The following ITIH5 variants were observed in gnomAD, a reference collection of about 807,000 sequenced individuals.
The protein encoded by ITIH5 is inter-alpha-trypsin inhibitor heavy chain H5.
ITIH5 carries 65 observed loss-of-function variants against 77.5 expected under a neutral mutation model. The observed-to-expected ratio is 0.84, with a 90% confidence interval of 0.69 to 1.03. The LOEUF (loss-of-function observed/expected upper bound fraction) is 1.03, where lower values mean the gene tolerates loss of function less well. Ranked by LOEUF, ITIH5 falls within the 50% of genes least tolerant of loss-of-function variation. The pLI is 0.00. For missense variants in ITIH5, 1,208 were observed against 1,213.1 expected (o/e 1.00, Z 0.06); for synonymous variants, 525 against 494.3 (o/e 1.06, Z -0.82).
chr10:7,588,935 T>C (rs2130983191), intron 7 of ITIH5, among the ~76,000 whole-genome samples: 1 of 152,332 alleles, frequency 6.6e-6, no homozygotes, highest in African/African-American at 2.4e-5. Flanking sequence ...TGGATTAAAA[T>C]GCAGGGAGTC....
At chr10:7,593,433 C>T (rs1402805389) in intron 7 of ITIH5, among the ~76,000 whole-genome samples, 4 of 55,538 alleles carry the variant, frequency 7.2e-5, no homozygotes, top group African/African-American at 1.8e-4. Context: ...GCCCCACTCA[C>T]CCCTGCAGAC....
intron 1 of ITIH5, among the ~76,000 whole-genome samples, chr10:7,657,147 C>T (rs779908478): frequency 6.7e-6 from 1 of 149,640 alleles, no homozygotes; most frequent in South Asian, 2.1e-4. Flanking sequence ...CGGGTTCAAG[C>T]GATTCCCCTG....
chr10:7,568,838 A>T lies in ITIH5; in HGVS notation c.2149+830T>A, dbSNP rs567826197. On this transcript the variant is annotated intron_variant, in intron 12 of 13. Coordinates refer to ENST00000397146, the MANE Select transcript of ITIH5 (RefSeq NM_030569.7). The stretch of plus-strand genomic sequence containing the variant: ...AGAGCCCCTTTGTCCATACATGTTC[A>T]CGGCACACAGACAGAACTGTGGATT... Among the ~76,000 whole-genome samples the T allele has an allele frequency of 3.3e-5, 5 of 152,214 alleles. No individual in the cohort carries two copies. In the South Asian group the frequency reaches 1.0e-3, roughly 32 times the overall value.
intron 7 of ITIH5, among the ~76,000 whole-genome samples, chr10:7,597,536 ATGGT>A: frequency 7.0e-6 from 1 of 142,124 alleles, no homozygotes; most frequent in African/African-American, 2.5e-5. Flanking sequence ...CATACACAGC[ATGGT>A]CCCAAGTCAC....
In ITIH5 at chr10:7,655,527, A is replaced by C. The variant is rs72779186; in HGVS notation, c.135+104T>G. On this transcript the variant is annotated intron_variant, in intron 2 of 13. Coordinates refer to ENST00000397146, the MANE Select transcript of ITIH5 (RefSeq NM_030569.7). The stretch of plus-strand genomic sequence containing the variant: ...TCATCTCAGAATTTTTCTACAAGCA[A>C]CTTTATATGTTTTGGAGGATCTGCA... 30,431 of 899,236 alleles carry C rather than the reference A, an allele frequency of 0.034. 702 individuals are homozygous for C. The highest frequency in any genetic ancestry group is 0.038 in the Non-Finnish European group (21,414 of 557,666). 55.7% of individuals were successfully genotyped at this position (899,236 alleles called of 1,614,324 possible).
chr10:7,634,485 G>A (rs148934773), intron 5 of ITIH5, among the ~76,000 whole-genome samples: 1 of 152,196 alleles, frequency 6.6e-6, no homozygotes, highest in East Asian at 1.9e-4. Flanking sequence ...CAAAGTATCT[G>A]CTTTGGTACA....
At chr10:7,579,680 C>T in intron 9 of ITIH5, 75 bp downstream of exon 9, 1 of 1,444,858 alleles carries the variant, frequency 6.9e-7, no homozygotes, top group Middle Eastern at 1.8e-4. Flanking sequence ...CAACACACTC[C>T]TCTCTGAATT....
At chr10:7,604,600 CA>C (rs1273121903) in intron 7 of ITIH5, among the ~76,000 whole-genome samples, 4 of 152,226 alleles carry the variant, frequency 2.6e-5, no homozygotes, top group Non-Finnish European at 5.9e-5. Context: ...TGGTCCAAAA[CA>C]TGACCCAAAC....
At chr10:7,599,155 G>A (rs1193069711) in intron 7 of ITIH5, among the ~76,000 whole-genome samples, 3 of 152,182 alleles carry the variant, frequency 2.0e-5, no homozygotes, top group African/African-American at 7.2e-5. Context: ...CTCAGGGCTA[G>A]AAATAGATTT....
chr10:7,592,361 C>T (rs1042337606), intron 7 of ITIH5, among the ~76,000 whole-genome samples: 2 of 151,844 alleles, frequency 1.3e-5, no homozygotes, highest in Non-Finnish European at 2.9e-5. Flanking sequence ...AACATCATGG[C>T]ATTTTGTACA....
At chr10:7,644,456 T>C (rs1343312602) in intron 2 of ITIH5, among the ~76,000 whole-genome samples, 1 of 144,498 alleles carries the variant, frequency 6.9e-6, no homozygotes, top group Non-Finnish European at 1.5e-5. Context: ...ATAGATCATA[T>C]ATATCACATA....
chr10:7,580,086 C>A (rs1313413499), intron 8 of ITIH5, 22 bp from the exon 9 acceptor site: 10 of 1,555,470 alleles, frequency 6.4e-6, no homozygotes, highest in Non-Finnish European at 8.7e-6. Context: ...CAACACGGAA[C>A]AGCTCAAGCC....
At chr10:7,631,789 A>T (rs1044020426) in intron 5 of ITIH5, among the ~76,000 whole-genome samples, 3 of 143,602 alleles carry the variant, frequency 2.1e-5, no homozygotes, top group Admixed American at 1.4e-4. Flanking sequence ...ACTTTGTTTA[A>T]TTTTTTTTTT....
chr10:7,623,340 G>A (rs1833504095), intron 5 of ITIH5, among the ~76,000 whole-genome samples: 2 of 152,178 alleles, frequency 1.3e-5, no homozygotes, highest in Admixed American at 1.3e-4. Flanking sequence ...CTGCTTACCT[G>A]GGATCCAACG....
In ITIH5 at chr10:7,560,012, C is replaced by G. The variant is rs1832012379; in HGVS notation, c.*3071G>C. On this transcript the variant is annotated 3_prime_UTR_variant, in exon 14 of 14. Transcript: ENST00000397146. ...AACTACAGGCACGCACCACCACGCC[C>G]AGCTAATTTTTGTATTTTTAGTAGA... 2.9e-6 allele frequency: 1 copy of G among 346,704 alleles called. No homozygotes were observed. Among genetic ancestry groups the G allele is most frequent in the Admixed American group, 3.8e-5 (1 of 26,618 alleles). The allele number at this position is 346,704 out of a possible 1,614,324, so 21.5% of individuals were successfully genotyped here.
intron 11 of ITIH5, among the ~76,000 whole-genome samples, chr10:7,570,843 A>C (rs1401918764): frequency 6.6e-6 from 1 of 152,038 alleles, no homozygotes; most frequent in Non-Finnish European, 1.5e-5. Flanking sequence ...GCTGGTCTCA[A>C]ACTCCTGGGC....
In ITIH5 at chr10:7,638,335, A is replaced by C. The variant is rs140705193; in HGVS notation, c.402-857T>G. 6.7e-4 allele frequency among the ~76,000 whole-genome samples: 102 copies of C among 152,360 alleles called. 1 individual carries two copies. Among genetic ancestry groups the C allele is most frequent in the African/African-American group, 2.4e-3 (100 of 41,572 alleles). On this transcript the variant is annotated intron_variant, in intron 4 of 13. Transcript: ENST00000397146. ...ATACTCCTCCTTCCCAGAACTGGAA[A>C]GAGACATAAGTATTGAAATGGAAAA...
At chr10:7,635,996 C>A (rs1833792492) in intron 5 of ITIH5, among the ~76,000 whole-genome samples, 1 of 152,132 alleles carries the variant, frequency 6.6e-6, no homozygotes, top group Non-Finnish European at 1.5e-5. Context: ...TCTTAAAATT[C>A]CAGTCCTGGT....
At chr10:7,617,702 A>T (rs1833397646) in intron 5 of ITIH5, 1 of 152,936 alleles carries the variant, frequency 6.5e-6, no homozygotes, top group South Asian at 2.1e-4. Context: ...GAACTCTTTT[A>T]CTAACATAAC....
Sources: allele counts gnomAD v4.1 joint callset (sites outside exome capture counted in the v4.1 genomes callset), GRCh38; gene constraint gnomAD v4.1.1; transcripts MANE v1.5; gene names NCBI Gene and HGNC (gene_info 2026-07-23, HGNC 2026-07-21).